The following COBL variants were observed in gnomAD, a reference collection of about 807,000 sequenced individuals.
COBL encodes protein cordon-bleu.
Under a neutral mutation model 98.8 loss-of-function variants are expected in COBL, and 51 were observed. The observed-to-expected ratio is 0.52, with a 90% CI of 0.41 to 0.65. The LOEUF is 0.65. Ranked by LOEUF, COBL falls within the 30% of genes least tolerant of loss-of-function variation. The pLI is 0.00. For missense variants in COBL, 1,617 were observed against 1,617.5 expected (o/e 1.00, Z 0.01); for synonymous variants, 634 against 651.7 (o/e 0.97, Z 0.41).
intron 7 of COBL, among the ~76,000 whole-genome samples, chr7:51,059,673 C>T (rs1791127852): frequency 6.6e-6 from 1 of 151,986 alleles, no homozygotes; most frequent in Admixed American, 6.6e-5. Flanking sequence ...AGGGCTGGCC[C>T]TGTTCGCATA....
intron 1 of COBL, among the ~76,000 whole-genome samples, chr7:51,244,990 T>C (rs1245716171): frequency 6.6e-6 from 1 of 152,182 alleles, no homozygotes; most frequent in South Asian, 2.1e-4. Flanking sequence ...TAGCTGAGAC[T>C]GTTCTTTCCT....
intron 6 of COBL, among the ~76,000 whole-genome samples, chr7:51,091,521 G>A (rs181095133): frequency 1.5e-3 from 226 of 152,178 alleles, no homozygotes; most frequent in Non-Finnish European, 2.2e-3. Flanking sequence ...CAGCCTTAAG[G>A]ACTTTATGGG....
At chr7:51,247,640 G>C (rs775717864) in intron 1 of COBL, among the ~76,000 whole-genome samples, 2 of 152,078 alleles carry the variant, frequency 1.3e-5, no homozygotes, top group Non-Finnish European at 2.9e-5. Flanking sequence ...ATGGCAGGGG[G>C]TGGGGAGTCT....
Position 51,070,027 on chromosome 7 carries a change from C to T in COBL, c.1096+15139G>A, listed in dbSNP as rs540981707. On this transcript the variant is annotated intron_variant, in intron 7 of 12. Transcript: ENST00000265136. ...GCCTTATTTTATGCAGCTTCGTTCA[C>T]GTAATAAAAGTTTGTTATTTTCTTA... Among the ~76,000 whole-genome samples, 63 of 151,906 alleles carry T rather than the reference C, an allele frequency of 4.1e-4. 1 individual carries two copies. Among genetic ancestry groups the T allele is most frequent in the African/African-American group, 1.4e-3 (60 of 41,432 alleles).
At chr7:51,233,449 A>G (rs1406007916) in intron 1 of COBL, among the ~76,000 whole-genome samples, 2 of 152,178 alleles carry the variant, frequency 1.3e-5, no homozygotes, top group African/African-American at 4.8e-5. Context: ...GCAGAGCTGT[A>G]TTGAGTTCCT....
chr7:51,164,879 T>A (rs887386730), intron 5 of COBL, among the ~76,000 whole-genome samples: 7 of 151,936 alleles, frequency 4.6e-5, no homozygotes, highest in African/African-American at 1.7e-4. Flanking sequence ...GGAGATGAAG[T>A]TAAAGCATAA....
rs192911382 is a variant in COBL at position 51,258,250 on chromosome 7, T to C, written c.42-38306A>G. 3.0e-3 allele frequency among the ~76,000 whole-genome samples: 455 copies of C among 152,324 alleles called. 2 individuals carry two copies. Among genetic ancestry groups the C allele is most frequent in the Admixed American group, 5.3e-3 (81 of 15,302 alleles). On this transcript the variant is annotated intron_variant, in intron 1 of 12. Coordinates refer to ENST00000265136, the MANE Select transcript of COBL (RefSeq NM_015198.5). ...AGAGACAAGTGAACATTTATTTTTGTGCCATTCTTCCTATGTATATTTCAA... is the reference window on the plus strand; with the variant it reads ...AGAGACAAGTGAACATTTATTTTTGCGCCATTCTTCCTATGTATATTTCAA...
chr7:51,280,396 G>C (rs556288667), intron 1 of COBL, among the ~76,000 whole-genome samples: 1 of 152,324 alleles, frequency 6.6e-6, no homozygotes, highest in African/African-American at 2.4e-5. Context: ...GTGGGTGACA[G>C]CAACAGTGGC....
chr7:51,211,185 C>T (rs1030414035), intron 2 of COBL, among the ~76,000 whole-genome samples: 4 of 152,246 alleles, frequency 2.6e-5, no homozygotes, highest in Admixed American at 2.0e-4. Context: ...CTGACCTCTC[C>T]TCCTCACCAC....
intron 2 of COBL, among the ~76,000 whole-genome samples, chr7:51,194,986 T>G (rs983459931): frequency 6.6e-6 from 1 of 152,208 alleles, no homozygotes; most frequent in Non-Finnish European, 1.5e-5. Context: ...ACTCTGTTGA[T>G]AGTTTCTTTT....
At chr7:51,204,413 A>T (rs1791452875) in intron 2 of COBL, among the ~76,000 whole-genome samples, 1 of 152,224 alleles carries the variant, frequency 6.6e-6, no homozygotes, top group African/African-American at 2.4e-5. Context: ...ACATCAAAAA[A>T]TAACTGAAAT....
At chr7:51,199,187 C>T (rs886980763) in intron 2 of COBL, among the ~76,000 whole-genome samples, 1 of 152,176 alleles carries the variant, frequency 6.6e-6, no homozygotes, top group African/African-American at 2.4e-5. Context: ...CTGGGAGACA[C>T]GTCTATTCAT....
intron 5 of COBL, among the ~76,000 whole-genome samples, chr7:51,165,131 A>G (rs904629460): frequency 2.6e-5 from 4 of 152,022 alleles, no homozygotes; most frequent in African/African-American, 9.7e-5. Context: ...TTACTTATCA[A>G]TAACATTGAA....
chr7:51,105,579 T>A (rs966359782), intron 6 of COBL, among the ~76,000 whole-genome samples: 2 of 151,970 alleles, frequency 1.3e-5, no homozygotes, highest in Non-Finnish European at 2.9e-5. Flanking sequence ...CAAAACCCCA[T>A]CTCTACTAAA....
At chr7:51,237,901 G>T (rs1055625699) in intron 1 of COBL, among the ~76,000 whole-genome samples, 2 of 152,202 alleles carry the variant, frequency 1.3e-5, no homozygotes, top group Non-Finnish European at 2.9e-5. Context: ...GGAGCTGTCT[G>T]CTTACACCTG....
At chr7:51,316,551 G>T in intron 1 of COBL, 42 bp downstream of exon 1, 1 of 1,209,858 alleles carries the variant, frequency 8.3e-7, no homozygotes, top group Non-Finnish European at 1.0e-6. Context: ...CCGAGCCCAG[G>T]GAAGCCCCCT....
chr7:51,131,941 C>G (rs1361931172), intron 6 of COBL, among the ~76,000 whole-genome samples: 4 of 152,188 alleles, frequency 2.6e-5, no homozygotes. Flanking sequence ...ATGAGCAACT[C>G]TCTTCTCTAG....
intron 1 of COBL, among the ~76,000 whole-genome samples, chr7:51,244,873 T>C (rs1346097842): frequency 6.6e-6 from 1 of 152,224 alleles, no homozygotes; most frequent in East Asian, 1.9e-4. Flanking sequence ...AGGGAGTTCC[T>C]GCAAGGAACG....
At chr7:51,075,906 C>G (rs1334517946) in intron 7 of COBL, among the ~76,000 whole-genome samples, 1 of 152,176 alleles carries the variant, frequency 6.6e-6, no homozygotes, top group Non-Finnish European at 1.5e-5. Flanking sequence ...AGTTCAGTTC[C>G]GTTTTTTTCT....
Sources: gnomAD v4.1 joint callset for allele counts (sites outside exome capture counted in the v4.1 genomes callset) on GRCh38, gnomAD v4.1.1 for gene constraint, MANE v1.5 for transcripts, NCBI Gene and HGNC (gene_info 2026-07-23, HGNC 2026-07-21) for gene names.